ANKRD12: variants seen among roughly 807,000 people sequenced by gnomAD.
ANKRD12 encodes the protein ankyrin repeat domain 12, also known as ankyrin repeat domain-containing protein 12.
In ANKRD12, 85 loss-of-function variants were observed where a neutral mutation model predicts 183.4. The ratio of observed to expected loss-of-function variants is 0.46; its 90% CI spans 0.39 to 0.56. The LOEUF (loss-of-function observed/expected upper bound fraction) is 0.56. Among genes scored for constraint, ANKRD12 ranks in the 20% least tolerant of loss-of-function variants. The pLI is 0.00. For synonymous variants in ANKRD12, 914 were observed against 800.2 expected, an observed-to-expected ratio of 1.14 and a Z score of -2.40; for missense variants, 2,405 against 2,357.1, an observed-to-expected ratio of 1.02 and a Z score of -0.42.
At position 9,256,745 on chromosome 18, in the gene ANKRD12, G is replaced by A. The variant is rs776920089; in HGVS notation, c.3478G>A (p.Val1160Ile). Residue 1160 changes from valine (V) to isoleucine (I), a missense_variant, in exon 9 of 13, where the codon GTA becomes ATA. Physicochemically the swap from Val to Ile is conservative, Grantham distance 29. Coordinates refer to ENST00000262126, the MANE Select transcript of ANKRD12 (RefSeq NM_015208.5). Reference protein sequence around the residue: ...YTKEKQPKDAVSNRSQSVDTK... With the variant: ...YTKEKQPKDAISNRSQSVDTK... ...CAAGGAGAAACAACCTAAAGATGCT[G>A]TAAGTAACAGATCACAATCTGTTGA... is the stretch of plus-strand genomic sequence containing the variant. The A allele has an allele frequency of 2.4e-5, 38 of 1,613,384 alleles. No homozygotes were observed. Among genetic ancestry groups the A allele is most frequent in the Middle Eastern group, 1.6e-4 (1 of 6,074 alleles).
intron 1 of ANKRD12, among the ~76,000 whole-genome samples, chr18:9,139,041 T>G (rs574571533): frequency 1.3e-5 from 2 of 152,328 alleles, no homozygotes; most frequent in South Asian, 4.1e-4. Context: ...TCTCATAATT[T>G]TCATAGTAGT....
chr18:9,234,247 G>C (rs1393570468), intron 8 of ANKRD12, among the ~76,000 whole-genome samples: 2 of 152,222 alleles, frequency 1.3e-5, no homozygotes, highest in Non-Finnish European at 2.9e-5. Flanking sequence ...CGTGGTAGCA[G>C]CAACAGCTGT....
At chr18:9,272,573 GAAAA>G (rs541136727) in intron 10 of ANKRD12, among the ~76,000 whole-genome samples, 3 of 151,240 alleles carry the variant, frequency 2.0e-5, no homozygotes, top group Non-Finnish European at 4.4e-5. Context: ...AAAAAAAAAA[GAAAA>G]AAGAAAAAGT....
At chr18:9,210,199 C>G (rs1482190466) in intron 5 of ANKRD12, among the ~76,000 whole-genome samples, 1 of 151,982 alleles carries the variant, frequency 6.6e-6, no homozygotes, top group Admixed American at 6.6e-5. Context: ...TTAGATAAGT[C>G]TTTAGATTTT....
chr18:9,143,932 C>T (rs2078407517), intron 1 of ANKRD12, among the ~76,000 whole-genome samples: 1 of 152,236 alleles, frequency 6.6e-6, no homozygotes, highest in African/African-American at 2.4e-5. Flanking sequence ...AGCTCTTCCT[C>T]TTCCTTCAGG....
In ANKRD12 at chr18:9,277,567, TCCA is replaced by T. The variant is rs1438121591; in HGVS notation, c.5907+1903_5907+1905del. 2.3e-3 allele frequency among the ~76,000 whole-genome samples: 349 copies of T among 151,932 alleles called. 2 individuals are homozygous for T. The highest frequency in any genetic ancestry group is 8.0e-3 in the African/African-American group (333 of 41,454). On this transcript the variant is annotated intron_variant, in intron 11 of 12. Transcript: ENST00000262126. The stretch of plus-strand genomic sequence containing the variant: ...TGGTCTCGATCTCCTGACCTCGTGA[TCCA>T]CCCGCCTCGGCCTCCCAAAGTGCTA...
chr18:9,216,638 C>CTT, intron 6 of ANKRD12, 120 bp from the exon 7 acceptor site: 1 of 949,540 alleles, frequency 1.1e-6, no homozygotes. Flanking sequence ...TTCATCACTC[C>CTT]TTTTTTTTTG....
chr18:9,285,549 T>C lies in ANKRD12; in HGVS notation c.*4423T>C, dbSNP rs557067307. The C allele has an allele frequency of 5.3e-5, 8 of 152,242 alleles. No individual in the cohort carries two copies. Among genetic ancestry groups the C allele is most frequent in the Admixed American group, 2.6e-4 (4 of 15,282 alleles). The allele number at this position is 152,242 out of a possible 1,614,324, so 9.4% of individuals were successfully genotyped here. A position where few individuals can be genotyped will look rare whatever the true frequency, so the allele number is the denominator to read the frequency against. The stretch of plus-strand genomic sequence containing the variant: ...CAATAACTTTCTCAGTTTTTTTTCA[T>C]TGTTATAGTCTGTATTCAATAAAAT... On this transcript the variant is annotated 3_prime_UTR_variant, in exon 13 of 13. Coordinates refer to ENST00000262126, the MANE Select transcript of ANKRD12 (RefSeq NM_015208.5).
In ANKRD12 at chr18:9,257,958, A is replaced by T. The variant is rs781228468; in HGVS notation, c.4691A>T (p.Tyr1564Phe). ...VQKTDAFVPVYSDSTIQEASP... is the reference protein window; with the variant it reads ...VQKTDAFVPVFSDSTIQEASP... ...AAAACAGATGCCTTTGTCCCAGTGT[A>T]CTCTGACAGCACTATTCAAGAAGCA... Residue 1564 changes from tyrosine to phenylalanine, a missense_variant, in exon 9 of 13, where the codon TAC becomes TTC. Around this residue, in one of 7 missense-constraint regions of ANKRD12, gnomAD observed 1,983 missense variants for 1,725.9 expected, o/e 1.15. Coordinates refer to ENST00000262126, the MANE Select transcript of ANKRD12 (RefSeq NM_015208.5). The T allele has an allele frequency of 2.5e-6, 4 of 1,613,948 alleles. No individual in the cohort carries two copies. The highest frequency in any genetic ancestry group is 2.5e-6 in the Non-Finnish European group (3 of 1,179,960).
At chr18:9,144,934 A>G in intron 1 of ANKRD12, among the ~76,000 whole-genome samples, 1 of 152,292 alleles carries the variant, frequency 6.6e-6, no homozygotes, top group South Asian at 2.1e-4. Context: ...TAATATGTGT[A>G]TCATACTAAT....
At chr18:9,193,409 G>A (rs980166062) in intron 2 of ANKRD12, among the ~76,000 whole-genome samples, 1 of 151,992 alleles carries the variant, frequency 6.6e-6, no homozygotes, top group Non-Finnish European at 1.5e-5. Flanking sequence ...GCCTCCCAAA[G>A]TGCTAGGATT....
intron 10 of ANKRD12, among the ~76,000 whole-genome samples, chr18:9,268,157 A>G (rs1478905645): frequency 6.6e-6 from 1 of 152,202 alleles, no homozygotes; most frequent in East Asian, 1.9e-4. Context: ...GTCCAGGACC[A>G]GATGGATTCA....
In ANKRD12 at chr18:9,256,201, A is replaced by G. The variant is rs2038611035; in HGVS notation, c.2934A>G (p.Ile978Met). The G allele has an allele frequency of 1.9e-6, 3 of 1,576,050 alleles. 1 individual carries two copies. Among genetic ancestry groups the G allele is most frequent in the Middle Eastern group, 3.4e-4 (2 of 5,848 alleles). Reference sequence around the variant, plus strand: ...TAAATATAACTAACTCCAAACACATACAGGAAGAAAAAAAATCAAGTATAG... The same window carrying G: ...TAAATATAACTAACTCCAAACACATGCAGGAAGAAAAAAAATCAAGTATAG... ...ESINITNSKH[I>M]QEEKKSSIVD... Residue 978 changes from isoleucine to methionine, a missense_variant, in exon 9 of 13, where the codon ATA becomes ATG. Physicochemically the swap from Ile to Met is conservative, Grantham distance 10. Coordinates refer to ENST00000262126, the MANE Select transcript of ANKRD12 (RefSeq NM_015208.5).
At position 9,211,141 on chromosome 18, in the gene ANKRD12, T is replaced by C. The variant is rs1309509305; in HGVS notation, c.452-443T>C. ...TTTCATTTTCATAGTAAAATCGTTA[T>C]GACCTTGATTTGCACATAATATAAG... On this transcript the variant is annotated intron_variant, in intron 5 of 12. Coordinates refer to ENST00000262126, the MANE Select transcript of ANKRD12 (RefSeq NM_015208.5). 2.6e-5 allele frequency among the ~76,000 whole-genome samples: 4 copies of C among 152,306 alleles called. No homozygotes were observed. The East Asian group carries it at 7.7e-4, about 29-fold the overall frequency.
In ANKRD12 at chr18:9,208,690, A is replaced by G. The variant is rs772689331; in HGVS notation, c.338A>G (p.Lys113Arg). The G allele has an allele frequency of 6.2e-7, 1 of 1,610,474 alleles. No homozygotes were observed. ...KEGPEKKKTK[K>R]EAGNKKSTPV... is the part of the protein sequence containing the mutation. ...GGTCCAGAAAAGAAGAAGACAAAAA[A>G]GGAAGCTGGAAATAAGAAATCCACA... The change falls in exon 5 of 13, where the codon AAG becomes AGG. Residue 113 changes from lysine to arginine, a missense_variant. Around this residue, in one of 7 missense-constraint regions of ANKRD12, gnomAD observed 145 missense variants for 145.6 expected, o/e 1.00. Coordinates refer to ENST00000262126, the MANE Select transcript of ANKRD12 (RefSeq NM_015208.5).
intron 1 of ANKRD12, among the ~76,000 whole-genome samples, chr18:9,157,180 T>C (rs1332312170): frequency 6.6e-6 from 1 of 152,210 alleles, no homozygotes; most frequent in Non-Finnish European, 1.5e-5. Context: ...AATGCATTAA[T>C]ACACCTAGTC....
intron 2 of ANKRD12, among the ~76,000 whole-genome samples, chr18:9,185,174 T>C (rs1392732310): frequency 6.6e-6 from 1 of 152,116 alleles, no homozygotes; most frequent in African/African-American, 2.4e-5. Context: ...AGGAGGTGAG[T>C]CTAGCACTAG....
chr18:9,212,938 G>A (rs2144653126), intron 6 of ANKRD12, among the ~76,000 whole-genome samples: 1 of 151,894 alleles, frequency 6.6e-6, no homozygotes, highest in South Asian at 2.1e-4. Context: ...GTTTAGTCCT[G>A]TTTTTAATCT....
chr18:9,226,818 T>C (rs2036743606), intron 8 of ANKRD12, among the ~76,000 whole-genome samples: 1 of 152,168 alleles, frequency 6.6e-6, no homozygotes. Flanking sequence ...TGAGAAATGC[T>C]CTTTTTTAAA....
Sources: gnomAD v4.1 joint callset for allele counts (sites outside exome capture counted in the v4.1 genomes callset) on GRCh38, gnomAD v4.1.1 for gene constraint, gnomAD v4.1.1 regional missense constraint, MANE v1.5 for transcripts, NCBI Gene and HGNC (gene_info 2026-07-23, HGNC 2026-07-21) for gene names.